The following PXDNL variants were observed in gnomAD, a reference collection of about 807,000 sequenced individuals.
PXDNL encodes the protein probable oxidoreductase PXDNL.
A neutral mutation model predicts 150.8 loss-of-function variants in PXDNL; 145 were observed. The observed-to-expected ratio is 0.96, with a 90% CI of 0.84 to 1.10. The LOEUF is 1.10. PXDNL is among the 50% of genes least tolerant of loss of function. PXDNL has a pLI of 0.00. For synonymous variants in PXDNL, 757 were observed against 725.7 expected, an observed-to-expected ratio of 1.04 and a Z score of -0.69; for missense variants, 2,087 against 1,873.9, an observed-to-expected ratio of 1.11 and a Z score of -2.10.
chr8:51,771,452 C>T (rs1014448184), intron 1 of PXDNL, among the ~76,000 whole-genome samples: 3 of 152,148 alleles, frequency 2.0e-5, no homozygotes, highest in Non-Finnish European at 2.9e-5. Flanking sequence ...TCACATGGCC[C>T]GCGGTGACAC....
chr8:51,407,931 A>T, intron 17 of PXDNL, 136 bp downstream of exon 17: 1 of 703,218 alleles, frequency 1.4e-6, no homozygotes, highest in Non-Finnish European at 2.3e-6. Context: ...TTTAATATTA[A>T]ACCTCTCCAA....
chr8:51,690,182 T>C (rs1009958090), intron 1 of PXDNL, among the ~76,000 whole-genome samples: 1 of 152,206 alleles, frequency 6.6e-6, no homozygotes, highest in Non-Finnish European at 1.5e-5. Context: ...TTGTTATTAT[T>C]ATTATACTTT....
Position 51,389,907 on chromosome 8 carries a change from C to T in PXDNL, c.3558-15176G>A, listed in dbSNP as rs562859204. On this transcript the variant is annotated intron_variant, in intron 17 of 22. Transcript: ENST00000356297. ...AAGTAGCTTTTATGTCACATTTCCCCATAATGGAACAGGCAAGAAAAACAA... is the reference window on the plus strand; with the variant it reads ...AAGTAGCTTTTATGTCACATTTCCCTATAATGGAACAGGCAAGAAAAACAA... Among the ~76,000 whole-genome samples the T allele has an allele frequency of 4.6e-5, 7 of 152,042 alleles. No individual in the cohort carries two copies. In the South Asian group the frequency reaches 1.4e-3, roughly 31 times the overall value.
intron 2 of PXDNL, among the ~76,000 whole-genome samples, chr8:51,628,372 T>C (rs1403949419): frequency 6.6e-6 from 1 of 150,614 alleles, no homozygotes. Context: ...CTTTCCTTTT[T>C]CATCTCTCTC....
chr8:51,353,641 T>C (rs2130727530), intron 19 of PXDNL, among the ~76,000 whole-genome samples: 1 of 152,278 alleles, frequency 6.6e-6, no homozygotes, highest in South Asian at 2.1e-4. Flanking sequence ...ATAATCAATA[T>C]TTGAGAATCT....
Position 51,402,721 on chromosome 8 carries a change from T to A in PXDNL, c.3557+5346A>T, listed in dbSNP as rs549745832. On this transcript the variant is annotated intron_variant, in intron 17 of 22. Transcript: ENST00000356297. ...AAATTTATGTTCACCATTCAGTGAATAACTGATCTTCACCTTCTGCTCATT... is the reference window on the plus strand; with the variant it reads ...AAATTTATGTTCACCATTCAGTGAAAAACTGATCTTCACCTTCTGCTCATT... Among the ~76,000 whole-genome samples, 420 of 152,262 alleles carry A rather than the reference T, an allele frequency of 2.8e-3. 1 individual carries two copies. Among genetic ancestry groups the A allele is most frequent in the Non-Finnish European group, 5.0e-3 (340 of 68,020 alleles).
intron 21 of PXDNL, among the ~76,000 whole-genome samples, chr8:51,323,132 C>G (rs756164029): frequency 1.3e-5 from 2 of 152,090 alleles, no homozygotes; most frequent in Admixed American, 6.6e-5. Context: ...TCCTAGCAGA[C>G]TAGGACATAT....
At chr8:51,600,929 T>C (rs1416375148) in intron 2 of PXDNL, among the ~76,000 whole-genome samples, 2 of 137,800 alleles carry the variant, frequency 1.5e-5, no homozygotes, top group Non-Finnish European at 3.0e-5. Flanking sequence ...ATAAATTATA[T>C]AATTTATATA....
At chr8:51,802,477 AT>A (rs1017255060) in intron 1 of PXDNL, among the ~76,000 whole-genome samples, 2 of 151,864 alleles carry the variant, frequency 1.3e-5, no homozygotes, top group African/African-American at 4.8e-5. Flanking sequence ...TTTTCTGTGA[AT>A]TTTTTTTCAG....
At chr8:51,371,399 T>A (rs1807108588) in intron 19 of PXDNL, among the ~76,000 whole-genome samples, 1 of 152,248 alleles carries the variant, frequency 6.6e-6, no homozygotes, top group Non-Finnish European at 1.5e-5. Context: ...ACCAATTCTG[T>A]TGTGTCATTA....
intron 3 of PXDNL, among the ~76,000 whole-genome samples, chr8:51,564,004 C>G (rs1364748368): frequency 6.6e-6 from 1 of 151,920 alleles, no homozygotes; most frequent in Non-Finnish European, 1.5e-5. Flanking sequence ...TACACAAAAT[C>G]TAAAAGTCAT....
At position 51,795,623 on chromosome 8, in the gene PXDNL, A is replaced by C. The variant is rs140034233; in HGVS notation, c.164+13558T>G. Among the ~76,000 whole-genome samples, 220 of 152,326 alleles carry C rather than the reference A, an allele frequency of 1.4e-3. 1 individual carries two copies. The highest frequency in any genetic ancestry group is 5.2e-3 in the African/African-American group (218 of 41,576). On this transcript the variant is annotated intron_variant, in intron 1 of 22. Coordinates refer to ENST00000356297, the MANE Select transcript of PXDNL (RefSeq NM_144651.5). ...TGGGAACACAGAGACAATGTACCAC[A>C]ATCTCTGGGACACAGCTAAAGCAGT...
intron 10 of PXDNL, among the ~76,000 whole-genome samples, chr8:51,452,935 A>AACACACACACACACACACACACACACAC (rs146990384): frequency 1.4e-5 from 2 of 142,566 alleles, no homozygotes; most frequent in Admixed American, 6.8e-5. Context: ...CACACACACA[A>AACACACACACACACACACACACACACAC]ACACACACAC....
At chr8:51,339,933 AG>A (rs1805940837) in intron 20 of PXDNL, 180 bp from the exon 21 acceptor site, 1 of 522,772 alleles carries the variant, frequency 1.9e-6, no homozygotes, top group African/African-American at 2.0e-5. Context: ...ATGGCAGATA[AG>A]ATGATAATCC....
At chr8:51,643,823 G>A (rs1157811781) in intron 2 of PXDNL, among the ~76,000 whole-genome samples, 2 of 152,018 alleles carry the variant, frequency 1.3e-5, no homozygotes, top group Admixed American at 1.3e-4. Context: ...CCAGAATCTA[G>A]AAAGAACTCA....
At chr8:51,401,419 G>A (rs1330226292) in intron 17 of PXDNL, among the ~76,000 whole-genome samples, 2 of 152,222 alleles carry the variant, frequency 1.3e-5, no homozygotes, top group South Asian at 4.1e-4. Context: ...GAAAGCAGCA[G>A]AGACTAGAGA....
chr8:51,529,463 G>C (rs1168945933), intron 4 of PXDNL, among the ~76,000 whole-genome samples: 5 of 152,174 alleles, frequency 3.3e-5, no homozygotes, highest in Non-Finnish European at 7.3e-5. Context: ...GCTCTGGGAA[G>C]CCTCCCCTAG....
intron 12 of PXDNL, among the ~76,000 whole-genome samples, chr8:51,438,487 A>G (rs1809460551): frequency 6.6e-6 from 1 of 152,158 alleles, no homozygotes; most frequent in Non-Finnish European, 1.5e-5. Context: ...AGGCCAAAGC[A>G]GGCGGATCAT....
chr8:51,342,929 ATTTTCCAT>A (rs925318473), intron 20 of PXDNL, among the ~76,000 whole-genome samples: 1 of 151,318 alleles, frequency 6.6e-6, no homozygotes, highest in Non-Finnish European at 1.5e-5. Context: ...TACACAGTCT[ATTTTCCAT>A]CCATAGAGAG....
Sources: allele counts gnomAD v4.1 joint callset (sites outside exome capture counted in the v4.1 genomes callset), GRCh38; gene constraint gnomAD v4.1.1; transcripts MANE v1.5; gene names NCBI Gene and HGNC (gene_info 2026-07-23, HGNC 2026-07-21).